RIMBP2: variants seen among roughly 807,000 people sequenced by gnomAD.
RIMBP2 encodes RIMS binding protein 2.
RIMBP2 carries 48 observed loss-of-function variants against 118.6 expected under a neutral mutation model. The observed-to-expected ratio is 0.40, with a 90% CI of 0.32 to 0.51. RIMBP2 has a LOEUF of 0.51. Ranked by LOEUF, RIMBP2 falls within the 20% of genes least tolerant of loss-of-function variation. RIMBP2 has a pLI of 0.41. For synonymous variants in RIMBP2, 762 were observed against 742.9 expected, an observed-to-expected ratio of 1.03 and a Z score of -0.42; for missense variants, 1,551 against 1,768.3, an observed-to-expected ratio of 0.88 and a Z score of 2.20.
intron 11 of RIMBP2, among the ~76,000 whole-genome samples, chr12:130,439,302 T>C (rs978397813): frequency 6.6e-6 from 1 of 151,846 alleles, no homozygotes; most frequent in African/African-American, 2.4e-5. Context: ...TGTGGGTGTG[T>C]GTGTGGGTGT....
intron 9 of RIMBP2, among the ~76,000 whole-genome samples, chr12:130,449,552 C>T (rs924615100): frequency 6.6e-6 from 1 of 151,920 alleles, no homozygotes; most frequent in Non-Finnish European, 1.5e-5. Flanking sequence ...CTTTCACTCT[C>T]GGTGGTGGGG....
rs749781395 is a variant in RIMBP2, at chr12:130,620,410, C to T, written c.-217+7912G>A. Among the ~76,000 whole-genome samples the T allele has an allele frequency of 1.1e-4, 17 of 152,200 alleles. No homozygotes were observed. The highest frequency in any genetic ancestry group is 3.3e-4 in the Admixed American group (5 of 15,284). On this transcript the variant is annotated intron_variant, in intron 2 of 22. Transcript: ENST00000690449. This position sits in a 1 kb window ranked among gnomAD's most constrained non-coding sequence, Gnocchi z 5.3. ...TGGTCCTTCTAGCAAATCCCCTTCC[C>T]CTTTAGGTGGCCAGCACCAGGTTCT...
Position 130,407,799 on chromosome 12 carries a change from G to A in RIMBP2, c.3620C>T (p.Ser1207Leu), listed in dbSNP as rs750902645. 90 of 1,613,768 alleles carry A rather than the reference G, an allele frequency of 5.6e-5. No individual in the cohort carries two copies. The highest frequency in any genetic ancestry group is 1.6e-4 in the Middle Eastern group (1 of 6,082). ...ERSRRSGRRH[S>L]VSTRRMVALY... Reference sequence around the variant, plus strand: ...GGCCACCATTCTCCGCGTCGATACCGAATGACGCCTGCCACTTCTCCTGCT... The same window carrying A: ...GGCCACCATTCTCCGCGTCGATACCAAATGACGCCTGCCACTTCTCCTGCT... Residue 1207 changes from serine (S) to leucine (L), a missense_variant, in exon 20 of 23, where the codon TCG (serine) becomes TTG (leucine). Ser to Leu is a moderately radical substitution (Grantham distance 145). This residue lies in a region of RIMBP2 where 1,038 missense variants were observed against 1,125.1 expected (regional missense o/e 0.92). Transcript: ENST00000690449.
intron 6 of RIMBP2, among the ~76,000 whole-genome samples, chr12:130,458,358 T>C (rs1178643195): frequency 6.6e-6 from 1 of 152,054 alleles, no homozygotes; most frequent in African/African-American, 2.4e-5. Context: ...GGGCCTGACA[T>C]GGAAAGCATC....
intron 2 of RIMBP2, among the ~76,000 whole-genome samples, chr12:130,539,493 C>T (rs1261685004): frequency 2.0e-5 from 3 of 152,162 alleles, no homozygotes; most frequent in Non-Finnish European, 2.9e-5. Flanking sequence ...AACATGGTAA[C>T]GTGGAGCAAG....
intron 4 of RIMBP2, among the ~76,000 whole-genome samples, chr12:130,493,129 G>A (rs1043538727): frequency 4.0e-5 from 6 of 151,888 alleles, no homozygotes; most frequent in African/African-American, 1.2e-4. Flanking sequence ...GAGTGAGATC[G>A]TAGCTCAAAA....
At chr12:130,466,892 C>T (rs2080528437) in intron 6 of RIMBP2, among the ~76,000 whole-genome samples, 2 of 152,210 alleles carry the variant, frequency 1.3e-5, no homozygotes. Context: ...CAGACTAAGG[C>T]ACAAATGACA....
chr12:130,715,755 T>TCCCC, intron 1 of RIMBP2, among the ~76,000 whole-genome samples: 2 of 133,906 alleles, frequency 1.5e-5, no homozygotes, highest in South Asian at 2.5e-4. Context: ...CACGTCCCCT[T>TCCCC]CCCCCCCTCC....
At chr12:130,600,541 T>A (rs1282045929) in intron 2 of RIMBP2, among the ~76,000 whole-genome samples, 3 of 150,896 alleles carry the variant, frequency 2.0e-5, no homozygotes, top group Admixed American at 2.0e-4. Flanking sequence ...GAACCCCTAC[T>A]CTGGCCAGAA....
chr12:130,517,113 C>A (rs1484079443), intron 3 of RIMBP2, among the ~76,000 whole-genome samples: 3 of 152,110 alleles, frequency 2.0e-5, no homozygotes, highest in Non-Finnish European at 2.9e-5. Context: ...CATGAGCACT[C>A]TGCCCTCATG....
At chr12:130,648,410 A>T (rs2063082334) in intron 1 of RIMBP2, among the ~76,000 whole-genome samples, 2 of 145,716 alleles carry the variant, frequency 1.4e-5, no homozygotes, top group South Asian at 4.2e-4. Context: ...TTGTAAAAAA[A>T]ATTGAAAAGC....
intron 2 of RIMBP2, among the ~76,000 whole-genome samples, chr12:130,574,120 C>T (rs1490175791): frequency 1.4e-4 from 22 of 152,090 alleles, no homozygotes; most frequent in Admixed American, 1.3e-3. Flanking sequence ...TAGAGTGAAA[C>T]ATAACTAGCA....
Position 130,506,691 on chromosome 12 carries a change from TG to T in RIMBP2, c.-48del. 1.0e-6 allele frequency: 1 copy of T among 985,732 alleles called. No homozygotes were observed. The highest frequency in any genetic ancestry group is 1.7e-5 in the African/African-American group (1 of 57,342). 61.1% of individuals were successfully genotyped at this position (985,732 alleles called of 1,614,324 possible). A position where few individuals can be genotyped will look rare whatever the true frequency, so the allele number is the denominator to read the frequency against. ...GTTCTCCAGCTTGGCTTGGAGCTGG[TG>T]TTTCTCCTTCACGGCCAAATCGCGC... On this transcript the variant is annotated 5_prime_UTR_variant, in exon 4 of 23. Coordinates refer to ENST00000690449, the MANE Select transcript of RIMBP2 (RefSeq NM_001393629.1).
chr12:130,645,940 T>G (rs2062854474), intron 1 of RIMBP2, among the ~76,000 whole-genome samples: 1 of 152,160 alleles, frequency 6.6e-6, no homozygotes, highest in South Asian at 2.1e-4. Context: ...CTGAATAGCT[T>G]TGTTTGCACT....
chr12:130,631,370 G>C (rs1594104892), intron 1 of RIMBP2, among the ~76,000 whole-genome samples: 1 of 152,120 alleles, frequency 6.6e-6, no homozygotes, highest in Admixed American at 6.5e-5. Context: ...TATAGACTGG[G>C]GGAGGGAAAC....
chr12:130,626,757 T>C (rs1249229090), intron 2 of RIMBP2, among the ~76,000 whole-genome samples: 1 of 151,006 alleles, frequency 6.6e-6, no homozygotes, highest in Non-Finnish European at 1.5e-5. Context: ...ATCTCCTCTG[T>C]TGCCACGACT....
At chr12:130,481,436 C>T (rs575988126) in intron 4 of RIMBP2, among the ~76,000 whole-genome samples, 9 of 152,252 alleles carry the variant, frequency 5.9e-5, no homozygotes, top group South Asian at 2.1e-4. Context: ...GTTTCAGGCA[C>T]GGCAACCTCA....
At chr12:130,559,977 C>A (rs1454826057) in intron 2 of RIMBP2, among the ~76,000 whole-genome samples, 2 of 152,202 alleles carry the variant, frequency 1.3e-5, no homozygotes, top group Non-Finnish European at 2.9e-5. Context: ...ACTCTGCCCC[C>A]AGTTTACAGA....
intron 13 of RIMBP2, among the ~76,000 whole-genome samples, chr12:130,435,267 C>T (rs1027030243): frequency 7.9e-5 from 12 of 152,106 alleles, no homozygotes; most frequent in African/African-American, 2.7e-4. Context: ...TGGTCTCAAA[C>T]TCCTGAGCTC....
Sources: allele counts gnomAD v4.1 joint callset (sites outside exome capture counted in the v4.1 genomes callset), GRCh38; gene constraint gnomAD v4.1.1; regional missense constraint gnomAD v4.1.1; non-coding constraint Gnocchi (gnomAD v3.1); transcripts MANE v1.5; gene names NCBI Gene and HGNC (gene_info 2026-07-23, HGNC 2026-07-21).